Variants in CDH12 observed in about 807,000 individuals in gnomAD.
CDH12 encodes cadherin-12.
CDH12 carries 41 observed loss-of-function variants against 74.1 expected under a neutral mutation model. The observed-to-expected ratio is 0.55, with a 90% CI of 0.43 to 0.72. The LOEUF (loss-of-function observed/expected upper bound fraction) is 0.72. Among genes scored for constraint, CDH12 ranks in the 30% least tolerant of loss-of-function variants. CDH12 has a pLI of 0.00. For missense variants in CDH12, 945 were observed against 977.2 expected (o/e 0.97, Z 0.44); for synonymous variants, 399 against 355.0 (o/e 1.12, Z -1.39).
chr5:22,127,478 G>GAA lies in CDH12; in HGVS notation c.-186-48618_-186-48617dup, dbSNP rs778116731. Among the ~76,000 whole-genome samples the GAA allele has an allele frequency of 1.5e-3, 164 of 106,740 alleles. 1 individual carries two copies. Among genetic ancestry groups the GAA allele is most frequent in the South Asian group, 4.4e-3 (13 of 2,936 alleles). The allele number at this position is 106,740 out of a possible 152,430, so 70.0% of individuals were successfully genotyped here. On this transcript the variant is annotated intron_variant, in intron 4 of 14. Coordinates refer to ENST00000382254, the MANE Select transcript of CDH12 (RefSeq NM_004061.5). ...GACAACAAGAGTGGAACTCCATCTC[G>GAA]AAAAAAAAAAAAAAAAGAGAAAAGT...
chr5:21,992,900 G>A (rs1471515587), intron 5 of CDH12, among the ~76,000 whole-genome samples: 1 of 152,154 alleles, frequency 6.6e-6, no homozygotes, highest in Non-Finnish European at 1.5e-5. Context: ...TCACAATACT[G>A]CACGGCTGGG....
intron 1 of CDH12, among the ~76,000 whole-genome samples, chr5:22,704,057 G>A (rs538519534): frequency 3.0e-4 from 46 of 152,112 alleles, no homozygotes; most frequent in Non-Finnish European, 2.1e-4. Context: ...GGGGTTCCAT[G>A]TGCTCTTCAC....
intron 1 of CDH12, among the ~76,000 whole-genome samples, chr5:22,541,116 A>C (rs1170103211): frequency 6.6e-6 from 1 of 152,144 alleles, no homozygotes; most frequent in Non-Finnish European, 1.5e-5. Context: ...TGTAAGAGTC[A>C]TTTCTTTGGG....
intron 1 of CDH12, among the ~76,000 whole-genome samples, chr5:22,785,764 C>T (rs995203148): frequency 2.0e-5 from 3 of 152,102 alleles, no homozygotes; most frequent in Non-Finnish European, 4.4e-5. Flanking sequence ...GAAATCTACT[C>T]GTCTCAGCCT....
At chr5:22,617,123 C>T (rs1208827420) in intron 1 of CDH12, among the ~76,000 whole-genome samples, 1 of 152,042 alleles carries the variant, frequency 6.6e-6, no homozygotes, top group Non-Finnish European at 1.5e-5. Flanking sequence ...GAGGCTCCCA[C>T]CTAGCCTCCT....
intron 1 of CDH12, among the ~76,000 whole-genome samples, chr5:22,575,824 C>A (rs1739761156): frequency 6.6e-6 from 1 of 152,154 alleles, no homozygotes; most frequent in Non-Finnish European, 1.5e-5. Flanking sequence ...CTCAGCCTCC[C>A]AAAGTGCTGG....
intron 2 of CDH12, among the ~76,000 whole-genome samples, chr5:22,424,438 T>G (rs539511935): frequency 6.6e-6 from 1 of 152,254 alleles, no homozygotes; most frequent in Admixed American, 6.5e-5. Flanking sequence ...CTGATCGAGC[T>G]CAAAGGCAGC....
intron 4 of CDH12, among the ~76,000 whole-genome samples, chr5:22,148,830 C>G (rs1747380321): frequency 1.3e-5 from 2 of 152,212 alleles, no homozygotes; most frequent in Non-Finnish European, 2.9e-5. Context: ...TTTAAAGATA[C>G]TAACCACTGG....
chr5:22,452,901 A>AAAAAAT (rs1561415313), intron 2 of CDH12, among the ~76,000 whole-genome samples: 33 of 125,898 alleles, frequency 2.6e-4, no homozygotes, highest in Admixed American at 6.5e-4. Flanking sequence ...AAAAAAAAAA[A>AAAAAAT]AAATGAGTTA....
chr5:22,191,796 C>T (rs1413437013), intron 4 of CDH12, among the ~76,000 whole-genome samples: 1 of 151,838 alleles, frequency 6.6e-6, no homozygotes, highest in African/African-American at 2.4e-5. Flanking sequence ...GATCTCCTGA[C>T]CTCGTGATCC....
chr5:21,907,841 A>C (rs1753707726), intron 6 of CDH12, among the ~76,000 whole-genome samples: 1 of 152,232 alleles, frequency 6.6e-6, no homozygotes, highest in African/African-American at 2.4e-5. Flanking sequence ...GAATACGCAG[A>C]ATGATGTCAC....
chr5:22,312,805 C>A (rs1168259785), intron 3 of CDH12, among the ~76,000 whole-genome samples: 3 of 152,180 alleles, frequency 2.0e-5, no homozygotes, highest in Non-Finnish European at 2.9e-5. Context: ...AATATAGTTT[C>A]TTCTCTTTAC....
At chr5:22,317,868 G>A (rs1738698543) in intron 3 of CDH12, among the ~76,000 whole-genome samples, 1 of 152,146 alleles carries the variant, frequency 6.6e-6, no homozygotes, top group Admixed American at 6.6e-5. Flanking sequence ...GCATCAGTGT[G>A]TTGACAGACA....
At chr5:22,663,860 A>G (rs907921795) in intron 1 of CDH12, among the ~76,000 whole-genome samples, 1 of 152,058 alleles carries the variant, frequency 6.6e-6, no homozygotes, top group African/African-American at 2.4e-5. Context: ...GTAATTGATT[A>G]GTTACTCTTT....
chr5:22,692,818 T>A (rs1742154697), intron 1 of CDH12, among the ~76,000 whole-genome samples: 1 of 149,302 alleles, frequency 6.7e-6, no homozygotes, highest in Admixed American at 6.9e-5. Context: ...GCTTACCTTT[T>A]TTTTTCCTGA....
At chr5:21,790,028 T>C (rs1224999239) in intron 10 of CDH12, among the ~76,000 whole-genome samples, 4 of 152,128 alleles carry the variant, frequency 2.6e-5, no homozygotes, top group Non-Finnish European at 5.9e-5. Context: ...CTGTCTTATT[T>C]GGGACAATCA....
intron 3 of CDH12, among the ~76,000 whole-genome samples, chr5:22,276,375 A>G (rs1035391369): frequency 1.3e-5 from 2 of 152,224 alleles, no homozygotes; most frequent in African/African-American, 4.8e-5. Context: ...TAAAACATCC[A>G]TAAGATACGT....
intron 2 of CDH12, among the ~76,000 whole-genome samples, chr5:22,473,477 T>C (rs1304314956): frequency 6.6e-6 from 1 of 152,140 alleles, no homozygotes; most frequent in Non-Finnish European, 1.5e-5. Context: ...CCTAAAGCAC[T>C]CACCTTAGTT....
chr5:21,764,643 CA>C (rs1744910671), intron 12 of CDH12, among the ~76,000 whole-genome samples: 1 of 78,166 alleles, frequency 1.3e-5, no homozygotes, highest in Non-Finnish European at 2.5e-5. Flanking sequence ...AGCAAGACTT[CA>C]TATCAAGAAA....
Sources: allele counts gnomAD v4.1 joint callset (sites outside exome capture counted in the v4.1 genomes callset), GRCh38; gene constraint gnomAD v4.1.1; transcripts MANE v1.5; gene names NCBI Gene and HGNC (gene_info 2026-07-23, HGNC 2026-07-21).